The following ERICH6 variants were observed in gnomAD, a reference collection of about 807,000 sequenced individuals.
ERICH6 encodes glutamate rich 6.
ERICH6 carries 71 observed loss-of-function variants against 71.0 expected under a neutral mutation model. The ratio of observed to expected loss-of-function variants is 1.00; its 90% CI spans 0.83 to 1.22. The LOEUF (loss-of-function observed/expected upper bound fraction) is 1.22, where lower values mean the gene tolerates loss of function less well. ERICH6 is among the 50% of genes most tolerant of loss of function. The pLI is 0.00. For synonymous variants in ERICH6, 262 were observed against 278.4 expected, an observed-to-expected ratio of 0.94 and a Z score of 0.59; for missense variants, 808 against 797.2, an observed-to-expected ratio of 1.01 and a Z score of -0.16.
intron 3 of ERICH6, among the ~76,000 whole-genome samples, chr3:150,697,033 T>C (rs1712681000): frequency 1.3e-5 from 2 of 152,198 alleles, no homozygotes; most frequent in Admixed American, 1.3e-4. Context: ...AATAAATAAT[T>C]GTACATCTGT....
At position 150,700,584 on chromosome 3, in the gene ERICH6, A is replaced by T. The variant is rs906113166; in HGVS notation, c.461+1537T>A. 4.6e-5 allele frequency among the ~76,000 whole-genome samples: 7 copies of T among 151,666 alleles called. No homozygotes were observed. The East Asian group carries it at 5.8e-4, about 13-fold the overall frequency. On this transcript the variant is annotated intron_variant, in intron 2 of 13. Transcript: ENST00000295910. ...TCAAAAAGTTTATTTTATTATTATTATTTTTTATTTATTTTTTGAGATGAA... is the reference window on the plus strand; with the variant it reads ...TCAAAAAGTTTATTTTATTATTATTTTTTTTTATTTATTTTTTGAGATGAA...
chr3:150,671,690 G>A (rs773871992), intron 11 of ERICH6, among the ~76,000 whole-genome samples: 26 of 152,112 alleles, frequency 1.7e-4, no homozygotes, highest in Admixed American at 7.9e-4. Flanking sequence ...GCAATGGCAC[G>A]ATCACAGCTC....
intron 12 of ERICH6, 152 bp from the exon 13 acceptor site, chr3:150,667,167 T>C: frequency 1.5e-6 from 1 of 681,190 alleles, no homozygotes; most frequent in Non-Finnish European, 2.5e-6. Context: ...GGAGTGATAA[T>C]ACTATGACTA....
intron 13 of ERICH6, among the ~76,000 whole-genome samples, chr3:150,666,517 C>T (rs907823527): frequency 6.6e-6 from 1 of 152,128 alleles, no homozygotes; most frequent in African/African-American, 2.4e-5. Flanking sequence ...AACTAAACCC[C>T]CAGAGCAGCA....
At chr3:150,683,868 C>A (rs1392332442) in intron 6 of ERICH6, among the ~76,000 whole-genome samples, 1 of 152,176 alleles carries the variant, frequency 6.6e-6, no homozygotes, top group Non-Finnish European at 1.5e-5. Context: ...CACTGCTACC[C>A]CTGAACTAGA....
intron 3 of ERICH6, 117 bp from the exon 4 acceptor site, chr3:150,686,471 A>G (rs879563495): frequency 8.2e-6 from 7 of 853,110 alleles, no homozygotes; most frequent in Non-Finnish European, 1.3e-5. Flanking sequence ...TTTATCTTTT[A>G]ATCTTTTGTC....
At chr3:150,694,821 A>T (rs1712593751) in intron 3 of ERICH6, among the ~76,000 whole-genome samples, 1 of 152,208 alleles carries the variant, frequency 6.6e-6, no homozygotes, top group African/African-American at 2.4e-5. Flanking sequence ...GGGTTGCTAT[A>T]ACAAATTATC....
intron 13 of ERICH6, among the ~76,000 whole-genome samples, chr3:150,666,057 T>A (rs1262857488): frequency 6.6e-6 from 1 of 152,176 alleles, no homozygotes; most frequent in Admixed American, 6.5e-5. Flanking sequence ...ATTATTCCAT[T>A]TTATGGATAA....
chr3:150,663,623 C>G (rs934808474), intron 13 of ERICH6, among the ~76,000 whole-genome samples: 1 of 152,206 alleles, frequency 6.6e-6, no homozygotes, highest in East Asian at 1.9e-4. Context: ...CACAGGCATG[C>G]GCCACCATGT....
chr3:150,699,651 G>T (rs1259351776), intron 2 of ERICH6, among the ~76,000 whole-genome samples: 1 of 147,614 alleles, frequency 6.8e-6, no homozygotes, highest in Non-Finnish European at 1.5e-5. Flanking sequence ...AATTGACTTT[G>T]AAAGGAAAAA....
intron 13 of ERICH6, 126 bp from the exon 14 acceptor site, chr3:150,660,281 C>G: frequency 7.6e-6 from 8 of 1,051,168 alleles, no homozygotes; most frequent in Non-Finnish European, 1.1e-5. Flanking sequence ...CTAATTCATC[C>G]GTAAGCAGGG....
At chr3:150,694,875 AG>A (rs1348554750) in intron 3 of ERICH6, among the ~76,000 whole-genome samples, 10 of 152,356 alleles carry the variant, frequency 6.6e-5, no homozygotes, top group Admixed American at 2.6e-4. Context: ...CTATGTGCAC[AG>A]TTCTGGAAGC....
chr3:150,701,796 G>A (rs16862794), intron 2 of ERICH6, among the ~76,000 whole-genome samples: 2 of 147,472 alleles, frequency 1.4e-5, no homozygotes, highest in Non-Finnish European at 3.0e-5. Context: ...CACAAAAGGC[G>A]TCCCTGGTCA....
intron 3 of ERICH6, among the ~76,000 whole-genome samples, chr3:150,690,240 C>T (rs1369022488): frequency 1.3e-5 from 2 of 152,116 alleles, no homozygotes; most frequent in Non-Finnish European, 2.9e-5. Flanking sequence ...TCTTTAATCT[C>T]CCTCTAGCAC....
At chr3:150,673,590 T>C (rs1405340241) in intron 11 of ERICH6, among the ~76,000 whole-genome samples, 1 of 152,152 alleles carries the variant, frequency 6.6e-6, no homozygotes, top group African/African-American at 2.4e-5. Flanking sequence ...TTTGTTTGTT[T>C]GTTTGTTTGT....
intron 7 of ERICH6, 80 bp downstream of exon 7, chr3:150,682,138 C>A: frequency 8.1e-7 from 1 of 1,232,872 alleles, no homozygotes. Context: ...AATGGCAATG[C>A]AGGGGAAAGA....
At chr3:150,697,931 TAGA>T (rs1254372129) in intron 3 of ERICH6, among the ~76,000 whole-genome samples, 1 of 152,216 alleles carries the variant, frequency 6.6e-6, no homozygotes, top group Non-Finnish European at 1.5e-5. Flanking sequence ...CCTCTTGTTC[TAGA>T]AGGAGGCACT....
rs1712155861 is a variant in ERICH6 at position 150,685,766 on chromosome 3, G to T, written c.759C>A (p.Ser253Arg). The stretch of plus-strand genomic sequence containing the variant: ...CCTTGAAGTTAATGCCTAAATTGGA[G>T]CTCTCTTCTTTGTATGCCAGAATGG... ...PPSILAYKEESSNLGINFKDE... is the reference protein window; with the variant it reads ...PPSILAYKEERSNLGINFKDE... The change falls in exon 6 of 14, where the codon AGC (serine) becomes AGA (arginine). Residue 253 changes from serine (S) to arginine (R), a missense_variant. Ser to Arg is a moderately radical substitution (Grantham distance 110). Transcript: ENST00000295910. The T allele has an allele frequency of 6.2e-7, 1 of 1,613,666 alleles. No individual in the cohort carries two copies. Among genetic ancestry groups the T allele is most frequent in the Non-Finnish European group, 8.5e-7 (1 of 1,179,864 alleles).
intron 3 of ERICH6, among the ~76,000 whole-genome samples, chr3:150,687,319 C>T (rs1243754566): frequency 6.6e-6 from 1 of 152,240 alleles, no homozygotes; most frequent in Non-Finnish European, 1.5e-5. Context: ...TTACGACTTA[C>T]GTGTTGATTA....
Sources: allele counts gnomAD v4.1 joint callset (sites outside exome capture counted in the v4.1 genomes callset), GRCh38; gene constraint gnomAD v4.1.1; transcripts MANE v1.5; gene names NCBI Gene and HGNC (gene_info 2026-07-23, HGNC 2026-07-21).